EPS15L1: variants seen among roughly 807,000 people sequenced by gnomAD.
The protein encoded by EPS15L1 is epidermal growth factor receptor pathway substrate 15 like 1.
In EPS15L1, 43 loss-of-function variants were observed where a neutral mutation model predicts 117.1. That is an observed-to-expected ratio of 0.37 (90% CI 0.29 to 0.47). The LOEUF (loss-of-function observed/expected upper bound fraction) is 0.47. Ranked by LOEUF, EPS15L1 falls within the 20% of genes least tolerant of loss-of-function variation. EPS15L1 has a pLI of 0.99. For synonymous variants in EPS15L1, 459 were observed against 470.5 expected, an observed-to-expected ratio of 0.98 and a Z score of 0.32; for missense variants, 981 against 1,164.0, an observed-to-expected ratio of 0.84 and a Z score of 2.29.
At chr19:16,442,279 G>T in intron 1 of EPS15L1, 60 bp from the exon 2 acceptor site, 1 of 1,480,914 alleles carries the variant, frequency 6.8e-7, no homozygotes, top group Admixed American at 1.8e-5. Flanking sequence ...GGAAAAAAAG[G>T]GTTGCCCCCT....
rs2092117579 is a variant in EPS15L1 at position 16,365,254 on chromosome 19, T to TC, written c.2381-3271dup. Among the ~76,000 whole-genome samples the TC allele has an allele frequency of 6.6e-6, 1 of 152,130 alleles. No homozygotes were observed. Among genetic ancestry groups the TC allele is most frequent in the Admixed American group, 6.5e-5 (1 of 15,278 alleles). On this transcript the variant is annotated intron_variant, in intron 22 of 23. Transcript: ENST00000455140. This position sits in a 1 kb window ranked among gnomAD's most constrained non-coding sequence, Gnocchi z 4.9. ...TTCTTAATCCAAACAAAGGGCTGTG[T>TC]CCCCCCAACAATTGTTCATACGTTC...
chr19:16,464,983 G>T (rs1346036409), intron 1 of EPS15L1, among the ~76,000 whole-genome samples: 2 of 151,950 alleles, frequency 1.3e-5, no homozygotes, highest in African/African-American at 4.8e-5. Context: ...GGAGGCTGAG[G>T]CAGTAGAATG....
At chr19:16,412,807 C>T in intron 13 of EPS15L1, 1 of 478,296 alleles carries the variant, frequency 2.1e-6, no homozygotes, top group Non-Finnish European at 4.0e-6. Context: ...GGGTCGCGGC[C>T]GTGGACAGCA....
intron 7 of EPS15L1, among the ~76,000 whole-genome samples, chr19:16,430,484 G>T (rs1239292869): frequency 6.6e-6 from 1 of 152,256 alleles, no homozygotes; most frequent in Non-Finnish European, 1.5e-5. Flanking sequence ...GTGGAGGGGT[G>T]TGAGACACAG....
In EPS15L1 at chr19:16,397,097, T is replaced by C. The variant is rs541661577; in HGVS notation, c.1792-1630A>G. Among the ~76,000 whole-genome samples the C allele has an allele frequency of 2.0e-4, 30 of 152,230 alleles. No homozygotes were observed. The South Asian group carries it at 4.1e-3, about 21-fold the overall frequency. On this transcript the variant is annotated intron_variant, in intron 16 of 23. Transcript: ENST00000455140. ...TATGTCTATTTTTCTTTCTTTCTTT[T>C]TTTTTTTCTGAGACAGAGTTTCACT...
At chr19:16,433,871 G>A (rs2092953040) in intron 7 of EPS15L1, among the ~76,000 whole-genome samples, 1 of 152,084 alleles carries the variant, frequency 6.6e-6, no homozygotes, top group Non-Finnish European at 1.5e-5. Context: ...GTTGAGGCAT[G>A]AGAATTGCTT....
At chr19:16,449,955 G>A (rs898460161) in intron 1 of EPS15L1, among the ~76,000 whole-genome samples, 1 of 152,132 alleles carries the variant, frequency 6.6e-6, no homozygotes, top group Admixed American at 6.6e-5. Flanking sequence ...TGATAAAATT[G>A]TAGAAATGAA....
In EPS15L1 at chr19:16,392,168, C is replaced by T. The variant is rs3786587; in HGVS notation, c.2103+136G>A. 65 of 976,310 alleles carry T rather than the reference C, an allele frequency of 6.7e-5. No individual in the cohort carries two copies. The East Asian group carries it at 7.1e-4, about 11-fold the overall frequency. The allele number at this position is 976,310 out of a possible 1,614,324, so 60.5% of individuals were successfully genotyped here. A position where few individuals can be genotyped will look rare whatever the true frequency, so the allele number is the denominator to read the frequency against. On this transcript the variant is annotated intron_variant, in intron 19 of 23. Transcript: ENST00000455140. ...GAAATCAGCCTGGGATACCAGCTCC[C>T]GGAGAACAGACACCATGGCCCACAC...
At chr19:16,432,464 A>G (rs943608255) in intron 7 of EPS15L1, among the ~76,000 whole-genome samples, 1 of 152,200 alleles carries the variant, frequency 6.6e-6, no homozygotes, top group African/African-American at 2.4e-5. Context: ...GCTACTTGGG[A>G]GGCTGAGGCA....
At chr19:16,408,587 G>A (rs2092679031) in intron 13 of EPS15L1, among the ~76,000 whole-genome samples, 2 of 151,888 alleles carry the variant, frequency 1.3e-5, no homozygotes, top group African/African-American at 4.8e-5. Flanking sequence ...TTGAACCCAG[G>A]AGGTAGTGGT....
At chr19:16,430,898 T>C (rs779730034) in intron 7 of EPS15L1, among the ~76,000 whole-genome samples, 5 of 152,154 alleles carry the variant, frequency 3.3e-5, no homozygotes, top group Non-Finnish European at 7.4e-5. Context: ...GAATGGATCA[T>C]AGGGATGCGG....
rs571278210 is a variant in EPS15L1 at position 16,461,038 on chromosome 19, G to A, written c.33+10875C>T. On this transcript the variant is annotated intron_variant, in intron 1 of 23. Coordinates refer to ENST00000455140, the MANE Select transcript of EPS15L1 (RefSeq NM_001258374.3). ...AAGCCAGCTGGGGCCAGGCGCGGTG[G>A]CTCACGCCTGTAATCCCAGCACTTT... Among the ~76,000 whole-genome samples the A allele has an allele frequency of 1.0e-3, 158 of 152,036 alleles. 1 individual carries two copies. Among genetic ancestry groups the A allele is most frequent in the African/African-American group, 3.7e-3 (153 of 41,466 alleles).
intron 1 of EPS15L1, among the ~76,000 whole-genome samples, chr19:16,461,305 TAA>T (rs749124401): frequency 5.9e-4 from 59 of 99,910 alleles, no homozygotes; most frequent in East Asian, 8.6e-4. Context: ...CTCCGTCTCT[TAA>T]AAAAAAAAAA....
At chr19:16,376,366 G>A (rs769446500) in intron 22 of EPS15L1, among the ~76,000 whole-genome samples, 8 of 152,220 alleles carry the variant, frequency 5.3e-5, no homozygotes, top group Non-Finnish European at 7.3e-5. Context: ...CCAACTGGCC[G>A]CCGGCCTAAC....
chr19:16,398,387 G>A (rs2092562299), intron 16 of EPS15L1, among the ~76,000 whole-genome samples: 1 of 152,232 alleles, frequency 6.6e-6, no homozygotes, highest in African/African-American at 2.4e-5. Flanking sequence ...AAGCACTGCA[G>A]CTGGAGACAG....
chr19:16,418,816 C>G (rs183530124), intron 10 of EPS15L1, among the ~76,000 whole-genome samples: 47 of 152,288 alleles, frequency 3.1e-4, no homozygotes, highest in African/African-American at 1.1e-3. Flanking sequence ...ACACGGCAAG[C>G]AGGTGGCCGT....
chr19:16,458,508 C>T (rs1599684512), intron 1 of EPS15L1, among the ~76,000 whole-genome samples: 3 of 152,092 alleles, frequency 2.0e-5, no homozygotes, highest in Non-Finnish European at 4.4e-5. Context: ...GCCTCCTCAC[C>T]CACGGCCCTG....
intron 12 of EPS15L1, among the ~76,000 whole-genome samples, chr19:16,414,077 G>A (rs2092733584): frequency 6.6e-6 from 1 of 152,066 alleles, no homozygotes; most frequent in African/African-American, 2.4e-5. Context: ...AAAGCAGCGC[G>A]CTTTCTCCAC....
At chr19:16,447,450 C>G (rs1475260852) in intron 1 of EPS15L1, among the ~76,000 whole-genome samples, 3 of 152,102 alleles carry the variant, frequency 2.0e-5, no homozygotes, top group Non-Finnish European at 2.9e-5. Flanking sequence ...GAAAATGTTC[C>G]ATCTCACTAG....
Sources: allele counts gnomAD v4.1 joint callset (sites outside exome capture counted in the v4.1 genomes callset), GRCh38; gene constraint gnomAD v4.1.1; non-coding constraint Gnocchi (gnomAD v3.1); transcripts MANE v1.5; gene names NCBI Gene and HGNC (gene_info 2026-07-23, HGNC 2026-07-21).